MEGF11: variants seen among roughly 807,000 people sequenced by gnomAD.
MEGF11 encodes the protein multiple EGF like domains 11, also known as multiple epidermal growth factor-like domains protein 11.
Under a neutral mutation model 146.6 loss-of-function variants are expected in MEGF11, and 126 were observed. The ratio of observed to expected loss-of-function variants is 0.86; its 90% CI spans 0.74 to 1.00. MEGF11 has a LOEUF of 1.00. Ranked by LOEUF, MEGF11 falls within the 50% of genes least tolerant of loss-of-function variation. The probability of loss-of-function intolerance (pLI) is 0.00; values close to 1 mark genes in which losing one functional copy is unlikely to be tolerated. For missense variants in MEGF11, 1,509 were observed against 1,521.2 expected (o/e 0.99, Z 0.13); for synonymous variants, 532 against 583.4 (o/e 0.91, Z 1.27).
At chr15:66,217,599 G>C (rs904550163) in intron 1 of MEGF11, among the ~76,000 whole-genome samples, 1 of 152,246 alleles carries the variant, frequency 6.6e-6, no homozygotes, top group Non-Finnish European at 1.5e-5. Context: ...ACCTGGCCAG[G>C]GGATTAAGGC....
chr15:65,909,726 A>T lies in MEGF11; in HGVS notation c.2896+14T>A. ...GGACATGATGGTGGGGACCAGACTC[A>T]CACCACTACTGACCTAACACGTTCA... On this transcript the variant is annotated intron_variant, in intron 22 of 25. Coordinates refer to ENST00000395614, the MANE Select transcript of MEGF11 (RefSeq NM_001385028.1). 6.4e-7 allele frequency: 1 copy of T among 1,564,416 alleles called. No individual in the cohort carries two copies. Among genetic ancestry groups the T allele is most frequent in the Non-Finnish European group, 8.6e-7 (1 of 1,162,460 alleles).
intron 1 of MEGF11, among the ~76,000 whole-genome samples, chr15:66,250,022 C>T (rs1217086165): frequency 1.3e-5 from 2 of 152,224 alleles, no homozygotes; most frequent in African/African-American, 2.4e-5. Context: ...GCTCCATTTA[C>T]TCATCTGTAC....
intron 5 of MEGF11, among the ~76,000 whole-genome samples, chr15:66,062,315 T>C (rs2084939476): frequency 6.6e-6 from 1 of 152,236 alleles, no homozygotes; most frequent in South Asian, 2.1e-4. Flanking sequence ...TGTTAGGATA[T>C]GAGGAAAGCT....
At chr15:65,945,127 C>T (rs935471690) in intron 10 of MEGF11, among the ~76,000 whole-genome samples, 1 of 152,202 alleles carries the variant, frequency 6.6e-6, no homozygotes, top group Non-Finnish European at 1.5e-5. Flanking sequence ...AACTTGTGAC[C>T]TCAAGTGATC....
chr15:65,905,304 G>A (rs1315636348), intron 24 of MEGF11: 1 of 152,202 alleles, frequency 6.6e-6, no homozygotes, highest in Non-Finnish European at 1.5e-5. Context: ...GGTTACTCAT[G>A]ATAACCTTGT....
chr15:66,022,366 T>C (rs1003446966), intron 5 of MEGF11, among the ~76,000 whole-genome samples: 3 of 152,290 alleles, frequency 2.0e-5, no homozygotes, highest in African/African-American at 7.2e-5. Flanking sequence ...GCAGCTGTGC[T>C]TTGACCACAC....
intron 10 of MEGF11, among the ~76,000 whole-genome samples, chr15:65,948,008 G>A (rs985805874): frequency 1.3e-5 from 2 of 152,130 alleles, no homozygotes; most frequent in African/African-American, 4.8e-5. Flanking sequence ...GGTCCCAGAG[G>A]GGGAAGGCTG....
At chr15:65,941,586 T>G (rs1413798419) in intron 10 of MEGF11, among the ~76,000 whole-genome samples, 10 of 152,196 alleles carry the variant, frequency 6.6e-5, no homozygotes, top group African/African-American at 2.2e-4. Flanking sequence ...TGTGGAGCAG[T>G]TTCTTTTCTC....
At chr15:66,027,130 G>A (rs1332060964) in intron 5 of MEGF11, among the ~76,000 whole-genome samples, 2 of 152,106 alleles carry the variant, frequency 1.3e-5, no homozygotes, top group African/African-American at 2.4e-5. Flanking sequence ...CTCCCAGCAA[G>A]CTCCAGGGCC....
intron 1 of MEGF11, among the ~76,000 whole-genome samples, chr15:66,202,918 C>G (rs1412834202): frequency 6.6e-6 from 1 of 152,212 alleles, no homozygotes; most frequent in African/African-American, 2.4e-5. Context: ...CCTGGTCTTT[C>G]CACCCTCCAG....
At chr15:66,251,157 A>C (rs768171830) in intron 1 of MEGF11, among the ~76,000 whole-genome samples, 4 of 152,130 alleles carry the variant, frequency 2.6e-5, no homozygotes, top group Non-Finnish European at 5.9e-5. Flanking sequence ...AGTGATTCTC[A>C]CACAAAGGCC....
chr15:66,133,346 G>A (rs978830336), intron 1 of MEGF11, among the ~76,000 whole-genome samples: 2 of 152,180 alleles, frequency 1.3e-5, no homozygotes, highest in Non-Finnish European at 2.9e-5. Flanking sequence ...ATGAAAAGGC[G>A]CTTTCAGGTC....
At chr15:65,900,489 A>T (rs1217798050) in intron 24 of MEGF11, among the ~76,000 whole-genome samples, 1 of 152,222 alleles carries the variant, frequency 6.6e-6, no homozygotes, top group Non-Finnish European at 1.5e-5. Flanking sequence ...GTTAAAGTAG[A>T]TGTCCATTCT....
chr15:65,895,610 G>A lies in MEGF11; in HGVS notation c.*2324C>T, dbSNP rs2078345748. ...TTTCTAACAGTTGCTTTGTAAGATT[G>A]AAATGTCTTTTACTGATAACTGTTC... On this transcript the variant is annotated 3_prime_UTR_variant, in exon 26 of 26. Transcript: ENST00000395614. The A allele has an allele frequency of 6.6e-6, 1 of 152,600 alleles. No homozygotes were observed. Among genetic ancestry groups the A allele is most frequent in the Non-Finnish European group, 1.5e-5 (1 of 68,030 alleles). 9.5% of individuals were successfully genotyped at this position (152,600 alleles called of 1,614,324 possible). A position where few individuals can be genotyped will look rare whatever the true frequency, so the allele number is the denominator to read the frequency against.
At chr15:66,183,541 G>GAA (rs201381470) in intron 1 of MEGF11, among the ~76,000 whole-genome samples, 37 of 80,500 alleles carry the variant, frequency 4.6e-4, no homozygotes, top group African/African-American at 9.6e-4. Flanking sequence ...CTGCCAAAAA[G>GAA]AAAAAAAAAA....
intron 10 of MEGF11, among the ~76,000 whole-genome samples, chr15:65,942,338 G>A (rs570728136): frequency 2.0e-5 from 3 of 152,242 alleles, no homozygotes; most frequent in Admixed American, 2.0e-4. Context: ...AGGCAGAAAT[G>A]GCTTATGGGG....
chr15:66,122,339 T>C (rs2088072621), intron 3 of MEGF11, among the ~76,000 whole-genome samples: 1 of 151,298 alleles, frequency 6.6e-6, no homozygotes. Flanking sequence ...GATGTTGGAA[T>C]TAGCAGGCAA....
chr15:66,206,808 C>T (rs568551648), intron 1 of MEGF11, among the ~76,000 whole-genome samples: 1 of 152,246 alleles, frequency 6.6e-6, no homozygotes, highest in East Asian at 1.9e-4. Context: ...GAGGCTGAGG[C>T]AGGAGAATCG....
chr15:66,005,997 T>C (rs1258165176), intron 5 of MEGF11, among the ~76,000 whole-genome samples: 2 of 152,346 alleles, frequency 1.3e-5, no homozygotes, highest in Admixed American at 1.3e-4. Flanking sequence ...AGAGTAAAAC[T>C]GAATCAGATG....
Sources: allele counts gnomAD v4.1 joint callset (sites outside exome capture counted in the v4.1 genomes callset), GRCh38; gene constraint gnomAD v4.1.1; transcripts MANE v1.5; gene names NCBI Gene and HGNC (gene_info 2026-07-23, HGNC 2026-07-21).